The following NIBAN2 variants were observed in gnomAD, a reference collection of about 807,000 sequenced individuals.
The protein encoded by NIBAN2 is niban apoptosis regulator 2, also known as protein Niban 2.
NIBAN2 carries 36 observed loss-of-function variants against 81.8 expected under a neutral mutation model. That is an observed-to-expected ratio of 0.44 (90% CI 0.34 to 0.58). The LOEUF is 0.58. Ranked by LOEUF, NIBAN2 falls within the 20% of genes least tolerant of loss-of-function variation. NIBAN2 has a pLI of 0.02. For synonymous variants in NIBAN2, 445 were observed against 441.6 expected, an observed-to-expected ratio of 1.01 and a Z score of -0.10; for missense variants, 897 against 1,014.1, an observed-to-expected ratio of 0.88 and a Z score of 1.57.
chr9:127,527,224 G>A lies in NIBAN2; in HGVS notation c.285C>T (p.Asn95=). 6.2e-7 allele frequency: 1 copy of A among 1,613,962 alleles called. No homozygotes were observed. The highest frequency in any genetic ancestry group is 8.5e-7 in the Non-Finnish European group (1 of 1,180,018). Reference sequence around the variant, plus strand: ...TGTTTTCGTAGAGCACCAGCCCGTAGTTGTGGGGCACGAGGCTGAAGCGGT... The same window carrying A: ...TGTTTTCGTAGAGCACCAGCCCGTAATTGTGGGGCACGAGGCTGAAGCGGT... ...WRNRFSLVPH[N]YGLVLYENKA... The change falls in exon 3 of 14, where the codon AAC becomes AAT. Residue 95 remains asparagine, a synonymous_variant. Transcript: ENST00000373312.
chr9:127,567,510 G>T (rs1837878668), intron 1 of NIBAN2, among the ~76,000 whole-genome samples: 1 of 152,192 alleles, frequency 6.6e-6, no homozygotes, highest in African/African-American at 2.4e-5. Context: ...CTGGCCTTGG[G>T]ACTTGGCCCG....
upstream of NIBAN2, among the ~76,000 whole-genome samples, chr9:127,572,809 C>A (rs1837963562): frequency 6.6e-6 from 1 of 152,014 alleles, no homozygotes; most frequent in East Asian, 1.9e-4. Context: ...CTCTGGGAAG[C>A]TGAGGCAAGA....
At chr9:127,516,786 G>T (rs1836836825) in intron 8 of NIBAN2, 71 bp downstream of exon 8, 2 of 1,455,846 alleles carry the variant, frequency 1.4e-6, no homozygotes, top group African/African-American at 1.4e-5. Context: ...AAATTTACAT[G>T]AATCATGAAA....
chr9:127,519,198 AAAG>A (rs1422824877), intron 5 of NIBAN2, among the ~76,000 whole-genome samples: 21 of 149,126 alleles, frequency 1.4e-4, no homozygotes, highest in African/African-American at 4.9e-4. Context: ...AAAAAAAAAA[AAAG>A]AATGGAAGAG....
intron 1 of NIBAN2, among the ~76,000 whole-genome samples, chr9:127,552,667 G>A (rs1837597169): frequency 6.6e-6 from 1 of 151,174 alleles, no homozygotes; most frequent in Admixed American, 6.6e-5. Flanking sequence ...AGACTATTGA[G>A]GCGTAATGGA....
rs1324806572 is a variant in NIBAN2 at position 127,568,959 on chromosome 9, C to T, written c.-85G>A. The T allele has an allele frequency of 1.7e-6, 2 of 1,156,260 alleles. No homozygotes were observed. The highest frequency in any genetic ancestry group is 8.1e-5 in the East Asian group (2 of 24,712). 71.6% of individuals were successfully genotyped at this position (1,156,260 alleles called of 1,614,324 possible). A position where few individuals can be genotyped will look rare whatever the true frequency, so the allele number is the denominator to read the frequency against. On this transcript the variant is annotated 5_prime_UTR_variant, in exon 1 of 14. Coordinates refer to ENST00000373312, the MANE Select transcript of NIBAN2 (RefSeq NM_022833.4). The stretch of plus-strand genomic sequence containing the variant: ...GGCGGACGCCGCTGGCGCCATGGAG[C>T]CCGGCCCGCCCTGCTTCCCCCGCTC...
intron 1 of NIBAN2, among the ~76,000 whole-genome samples, chr9:127,532,555 C>T (rs747524909): frequency 2.6e-5 from 4 of 151,912 alleles, no homozygotes; most frequent in African/African-American, 4.8e-5. Context: ...TTCAGTGAGT[C>T]GAGATTGCAC....
At chr9:127,518,043 T>C in intron 5 of NIBAN2, 102 bp from the exon 6 acceptor site, 3 of 679,120 alleles carry the variant, frequency 4.4e-6, no homozygotes, top group Non-Finnish European at 7.5e-6. Context: ...ACACATGGCA[T>C]GCACCTCAGG....
At chr9:127,575,132 C>T (rs1837992757) in intron 1 of NIBAN2, among the ~76,000 whole-genome samples, 1 of 152,286 alleles carries the variant, frequency 6.6e-6, no homozygotes, top group East Asian at 1.9e-4. Context: ...GCCAGTCCCT[C>T]CCCCCACTTC....
intron 1 of NIBAN2, among the ~76,000 whole-genome samples, chr9:127,556,620 A>G (rs1019480152): frequency 6.6e-6 from 1 of 152,226 alleles, no homozygotes; most frequent in African/African-American, 2.4e-5. Flanking sequence ...AAGCATCATC[A>G]TGCCCATTTT....
In NIBAN2 at chr9:127,527,316, G is replaced by T; in HGVS notation, c.193C>A (p.Leu65Met). 2 of 1,613,372 alleles carry T rather than the reference G, an allele frequency of 1.2e-6. No homozygotes were observed. The highest frequency in any genetic ancestry group is 1.7e-6 in the Non-Finnish European group (2 of 1,179,886). Reference protein sequence around the residue: ...QAQLLWRKVPLDERIVFSGNL... With the variant: ...QAQLLWRKVPMDERIVFSGNL... ...CCCGAGAAGACGATGCGCTCGTCCA[G>T]TGGCACCTGTGGGCAGGAGCGGGTG... Residue 65 changes from leucine to methionine, a missense_variant, in exon 3 of 14, where the codon CTG (leucine) becomes ATG (methionine). Physicochemically the swap from Leu to Met is conservative, Grantham distance 15. This residue lies in a region of NIBAN2 where 209 missense variants were observed against 208.4 expected (regional missense o/e 1.00). Transcript: ENST00000373312.
chr9:127,548,319 C>G (rs776818115), intron 1 of NIBAN2, among the ~76,000 whole-genome samples: 57 of 152,332 alleles, frequency 3.7e-4, no homozygotes, highest in Middle Eastern at 3.4e-3. Context: ...CCGACCACAG[C>G]CCCCCTGCTC....
At chr9:127,518,772 CTTTT>C (rs1836880535) in intron 5 of NIBAN2, among the ~76,000 whole-genome samples, 1 of 152,228 alleles carries the variant, frequency 6.6e-6, no homozygotes, top group Non-Finnish European at 1.5e-5. Flanking sequence ...CTGCGCCACA[CTTTT>C]TATCAATAAC....
At chr9:127,561,012 C>T in intron 1 of NIBAN2, 2 of 645,044 alleles carry the variant, frequency 3.1e-6, no homozygotes, top group Non-Finnish European at 3.9e-6. Flanking sequence ...TGGGACCAGG[C>T]TTAAGGCTTA....
rs374204681 is a variant in NIBAN2 at position 127,508,631 on chromosome 9, C to T, written c.1318-93G>A. 7.4e-6 allele frequency: 8 copies of T among 1,078,626 alleles called. No homozygotes were observed. Among genetic ancestry groups the T allele is most frequent in the African/African-American group, 3.1e-5 (2 of 65,212 alleles). 66.8% of individuals were successfully genotyped at this position (1,078,626 alleles called of 1,614,324 possible). On this transcript the variant is annotated intron_variant, in intron 10 of 13. Coordinates refer to ENST00000373312, the MANE Select transcript of NIBAN2 (RefSeq NM_022833.4). The surrounding 1 kb of genome is among the most constrained non-coding windows in gnomAD (Gnocchi z 6.4). ...GGGGTCCTCATCCTCAACCAGCCCC[C>T]CACCCCGAGGCCTGCCAGGGAGGAA...
intron 1 of NIBAN2, among the ~76,000 whole-genome samples, chr9:127,565,979 C>T (rs961346910): frequency 1.2e-4 from 18 of 149,250 alleles, no homozygotes; most frequent in Admixed American, 4.0e-4. Context: ...CACACACACA[C>T]AAATTAGCAC....
chr9:127,528,750 A>G (rs1212224602), intron 2 of NIBAN2, among the ~76,000 whole-genome samples: 1 of 152,162 alleles, frequency 6.6e-6, no homozygotes, highest in Non-Finnish European at 1.5e-5. Flanking sequence ...TCAGCCGTCT[A>G]TGTATAAACT....
At chr9:127,572,053 G>A (rs1445864291), upstream of NIBAN2, among the ~76,000 whole-genome samples, 1 of 151,962 alleles carries the variant, frequency 6.6e-6, no homozygotes, top group Non-Finnish European at 1.5e-5. Context: ...TTTTATTTTT[G>A]AGACAAGGTC....
chr9:127,509,709 G>A (rs918336562), intron 9 of NIBAN2, among the ~76,000 whole-genome samples: 3 of 151,382 alleles, frequency 2.0e-5, no homozygotes, highest in Admixed American at 1.3e-4. Flanking sequence ...TTTGGAGGGC[G>A]CGTGACTTGT....
Sources: allele counts gnomAD v4.1 joint callset (sites outside exome capture counted in the v4.1 genomes callset), GRCh38; gene constraint gnomAD v4.1.1; regional missense constraint gnomAD v4.1.1; non-coding constraint Gnocchi (gnomAD v3.1); transcripts MANE v1.5; gene names NCBI Gene and HGNC (gene_info 2026-07-23, HGNC 2026-07-21).